Variants in TNFRSF11B observed in about 807,000 individuals in gnomAD.
The protein encoded by TNFRSF11B is tumor necrosis factor receptor superfamily member 11B.
Under a neutral mutation model 43.4 loss-of-function variants are expected in TNFRSF11B, and 16 were observed. That is an observed-to-expected ratio of 0.37 (90% CI 0.25 to 0.56). The LOEUF (loss-of-function observed/expected upper bound fraction) is 0.56, where lower values mean the gene tolerates loss of function less well. Among genes scored for constraint, TNFRSF11B ranks in the 20% least tolerant of loss-of-function variants. The pLI, the probability that TNFRSF11B is intolerant of heterozygous loss-of-function variation, is 0.80. For missense variants in TNFRSF11B, 444 were observed against 490.1 expected, an observed-to-expected ratio of 0.91 and a Z score of 0.89; for synonymous variants, 185 against 181.8, an observed-to-expected ratio of 1.02 and a Z score of -0.14.
intron 3 of TNFRSF11B, among the ~76,000 whole-genome samples, chr8:118,926,970 G>C (rs1193016414): frequency 2.6e-5 from 4 of 152,166 alleles, no homozygotes; most frequent in Non-Finnish European, 5.9e-5. Flanking sequence ...TGTCTAATTA[G>C]AGTGAAATAT....
At chr8:118,934,569 G>A (rs1033016574) in intron 1 of TNFRSF11B, among the ~76,000 whole-genome samples, 1 of 152,124 alleles carries the variant, frequency 6.6e-6, no homozygotes, top group Non-Finnish European at 1.5e-5. Context: ...TTTCAACTGG[G>A]TATTCTGTCT....
chr8:118,938,002 G>GATTTTGCA (rs1427771798), intron 1 of TNFRSF11B, among the ~76,000 whole-genome samples: 14 of 152,136 alleles, frequency 9.2e-5, no homozygotes, highest in Admixed American at 9.2e-4. Context: ...TGCGCTAACT[G>GATTTTGCA]ATTTTGCAAT....
intron 1 of TNFRSF11B, among the ~76,000 whole-genome samples, chr8:118,943,566 G>A (rs1050706477): frequency 2.6e-5 from 4 of 151,958 alleles, no homozygotes; most frequent in East Asian, 1.9e-4. Context: ...GTAACATTAG[G>A]GAAAGTTACC....
chr8:118,932,096 T>A (rs1234932755), intron 2 of TNFRSF11B, among the ~76,000 whole-genome samples: 1 of 152,132 alleles, frequency 6.6e-6, no homozygotes, highest in Non-Finnish European at 1.5e-5. Context: ...TCAAACTGAG[T>A]CATCAGAATC....
Position 118,924,082 on chromosome 8 carries a change from T to G in TNFRSF11B, c.*292A>C. The stretch of plus-strand genomic sequence containing the variant: ...CATTCCCATATTTAGTAAGGCACAA[T>G]GGAGTCTAGTTTTTTTTTTTTAATT... On this transcript the variant is annotated 3_prime_UTR_variant, in exon 5 of 5. Coordinates refer to ENST00000297350, the MANE Select transcript of TNFRSF11B (RefSeq NM_002546.4). 3.3e-6 allele frequency: 1 copy of G among 306,460 alleles called. No homozygotes were observed. The highest frequency in any genetic ancestry group is 6.6e-5 in the East Asian group (1 of 15,054). The allele number at this position is 306,460 out of a possible 1,614,324, so 19.0% of individuals were successfully genotyped here. A position where few individuals can be genotyped will look rare whatever the true frequency, so the allele number is the denominator to read the frequency against.
At chr8:118,940,010 A>G (rs1812462059) in intron 1 of TNFRSF11B, among the ~76,000 whole-genome samples, 1 of 152,220 alleles carries the variant, frequency 6.6e-6, no homozygotes, top group Non-Finnish European at 1.5e-5. Flanking sequence ...ATAAAAAAGG[A>G]TAAGCTCATG....
rs1812247193 is a variant in TNFRSF11B at position 118,926,504 on chromosome 8, C to G, written c.807G>C (p.Lys269Asn). 6.2e-7 allele frequency: 1 copy of G among 1,613,014 alleles called. No individual in the cohort carries two copies. The highest frequency in any genetic ancestry group is 1.3e-5 in the African/African-American group (1 of 75,012). ...TTTAGATTATCATACCTTGGATGAT[C>G]TTCTTGACTATATCTTGGTCTTTGT... The part of the protein sequence containing the change: ...HQNKDQDIVK[K>N]IIQDIDLCEN... The change falls in exon 4 of 5, where the codon AAG (lysine) becomes AAC (asparagine). Residue 269 changes from lysine (K) to asparagine (N), a missense_variant. Lys to Asn is a moderately conservative substitution (Grantham distance 94). Coordinates refer to ENST00000297350, the MANE Select transcript of TNFRSF11B (RefSeq NM_002546.4).
chr8:118,925,920 A>G (rs971961466), intron 4 of TNFRSF11B, among the ~76,000 whole-genome samples: 1 of 152,236 alleles, frequency 6.6e-6, no homozygotes, highest in African/African-American at 2.4e-5. Context: ...AAGATGTGAG[A>G]ACATTTTGCT....
chr8:118,949,767 C>T (rs1812613968), intron 1 of TNFRSF11B, among the ~76,000 whole-genome samples: 1 of 152,202 alleles, frequency 6.6e-6, no homozygotes. Flanking sequence ...TCTTGCTTTT[C>T]ACACTGTCCT....
At chr8:118,926,810 A>G (rs926232843) in intron 3 of TNFRSF11B, 92 bp from the exon 4 acceptor site, 7 of 1,207,994 alleles carry the variant, frequency 5.8e-6, no homozygotes, top group Middle Eastern at 1.9e-4. Flanking sequence ...AACCAACACA[A>G]TTGAATTTTC....
intron 1 of TNFRSF11B, among the ~76,000 whole-genome samples, chr8:118,946,382 C>A (rs1812560946): frequency 1.3e-5 from 2 of 152,054 alleles, no homozygotes; most frequent in African/African-American, 2.4e-5. Flanking sequence ...TAAAAGGATT[C>A]TTTTTTTAGA....
rs369378150 is a variant in TNFRSF11B, at chr8:118,939,856, A to G, written c.31-6556T>C. On this transcript the variant is annotated intron_variant, in intron 1 of 4. Coordinates refer to ENST00000297350, the MANE Select transcript of TNFRSF11B (RefSeq NM_002546.4). ...TACCCAAAGAAATTGTGTACAAGCC[A>G]AAAAGGACAAAAGTGTTAACCCTTG... 3.2e-4 allele frequency among the ~76,000 whole-genome samples: 48 copies of G among 152,336 alleles called. No individual in the cohort carries two copies. The East Asian group carries it at 8.7e-3, about 28-fold the overall frequency.
intron 1 of TNFRSF11B, among the ~76,000 whole-genome samples, chr8:118,940,930 C>G (rs1201721154): frequency 2.0e-5 from 3 of 152,134 alleles, no homozygotes; most frequent in African/African-American, 7.2e-5. Flanking sequence ...TGGTGTCTTA[C>G]ACATGGCAAG....
At chr8:118,937,995 G>A (rs769045078) in intron 1 of TNFRSF11B, among the ~76,000 whole-genome samples, 52 of 152,112 alleles carry the variant, frequency 3.4e-4, no homozygotes, top group African/African-American at 7.7e-4. Flanking sequence ...TATTAAATGC[G>A]CTAACTGATT....
chr8:118,944,531 G>A (rs1812531269), intron 1 of TNFRSF11B, among the ~76,000 whole-genome samples: 1 of 152,118 alleles, frequency 6.6e-6, no homozygotes, highest in Non-Finnish European at 1.5e-5. Flanking sequence ...AACTGGCAAA[G>A]AGCACAAACA....
intron 1 of TNFRSF11B, among the ~76,000 whole-genome samples, chr8:118,938,038 T>C (rs1812427540): frequency 6.6e-6 from 1 of 152,196 alleles, no homozygotes; most frequent in Admixed American, 6.5e-5. Context: ...TGGTCACAAA[T>C]ATACAAATTT....
chr8:118,924,087 T>G lies in TNFRSF11B; in HGVS notation c.*287A>C. On this transcript the variant is annotated 3_prime_UTR_variant, in exon 5 of 5. Transcript: ENST00000297350. ...CCATATTTAGTAAGGCACAATGGAG[T>G]CTAGTTTTTTTTTTTTAATTTCCAG... 3 of 305,384 alleles carry G rather than the reference T, an allele frequency of 9.8e-6. No individual in the cohort carries two copies. Among genetic ancestry groups the G allele is most frequent in the Non-Finnish European group, 1.2e-5 (2 of 162,352 alleles). The allele number at this position is 305,384 out of a possible 1,614,324, so 18.9% of individuals were successfully genotyped here. A position where few individuals can be genotyped will look rare whatever the true frequency, so the allele number is the denominator to read the frequency against.
chr8:118,948,400 C>G (rs1426673128), intron 1 of TNFRSF11B, among the ~76,000 whole-genome samples: 1 of 152,036 alleles, frequency 6.6e-6, no homozygotes. Context: ...ACAAATGGAA[C>G]ATGCCAGCAG....
chr8:118,936,060 A>C (rs1228903763), intron 1 of TNFRSF11B, among the ~76,000 whole-genome samples: 1 of 152,210 alleles, frequency 6.6e-6, no homozygotes, highest in Non-Finnish European at 1.5e-5. Context: ...GATATGACCA[A>C]GAACACTGAT....
Sources: gnomAD v4.1 joint callset for allele counts (sites outside exome capture counted in the v4.1 genomes callset) on GRCh38, gnomAD v4.1.1 for gene constraint, MANE v1.5 for transcripts, NCBI Gene and HGNC (gene_info 2026-07-23, HGNC 2026-07-21) for gene names.